The following NAALAD2 variants were observed in gnomAD, a reference collection of about 807,000 sequenced individuals.
The protein encoded by NAALAD2 is N-acetylated-alpha-linked acidic dipeptidase 2.
A neutral mutation model predicts 95.6 loss-of-function variants in NAALAD2; 89 were observed. The ratio of observed to expected loss-of-function variants is 0.93; its 90% CI spans 0.78 to 1.11. The LOEUF is 1.11. NAALAD2 is among the 50% of genes least tolerant of loss of function. The pLI, the probability that NAALAD2 is intolerant of heterozygous loss-of-function variation, is 0.00. For synonymous variants in NAALAD2, 264 were observed against 294.4 expected (o/e 0.90, Z 1.06); for missense variants, 894 against 872.4 (o/e 1.02, Z -0.31).
chr11:90,138,099 T>G (rs1214100971), intron 2 of NAALAD2, among the ~76,000 whole-genome samples: 1 of 152,176 alleles, frequency 6.6e-6, no homozygotes, highest in Non-Finnish European at 1.5e-5. Flanking sequence ...AGCAATAACA[T>G]AGACAATTAA....
chr11:90,192,357 GACAA>G lies in NAALAD2; in HGVS notation c.*615_*618del, dbSNP rs1287381705. 1 of 151,976 alleles carries G rather than the reference GACAA, an allele frequency of 6.6e-6. No homozygotes were observed. Among genetic ancestry groups the G allele is most frequent in the Non-Finnish European group, 1.5e-5 (1 of 67,892 alleles). 9.4% of individuals were successfully genotyped at this position (151,976 alleles called of 1,614,324 possible). A position where few individuals can be genotyped will look rare whatever the true frequency, so the allele number is the denominator to read the frequency against. ...AGACATTGTTGAAGGAAAAAAGCCAGACAAACAACTACATAAAATATGTTTCTAT... is the reference window on the plus strand; with the variant it reads ...AGACATTGTTGAAGGAAAAAAGCCAGACAACTACATAAAATATGTTTCTAT... On this transcript the variant is annotated 3_prime_UTR_variant, in exon 19 of 19. Coordinates refer to ENST00000534061, the MANE Select transcript of NAALAD2 (RefSeq NM_005467.4).
At chr11:90,147,243 TG>T in intron 2 of NAALAD2, 86 bp from the exon 3 acceptor site, 1 of 1,016,982 alleles carries the variant, frequency 9.8e-7, no homozygotes, top group South Asian at 1.6e-5. Context: ...TAATGCCCAA[TG>T]CATAAGTAGT....
intron 14 of NAALAD2, among the ~76,000 whole-genome samples, chr11:90,175,074 T>C (rs1952748871): frequency 6.6e-6 from 1 of 152,156 alleles, no homozygotes. Flanking sequence ...TAAATATTCA[T>C]AGTTGGAAAA....
At chr11:90,142,823 A>G (rs967800963) in intron 2 of NAALAD2, among the ~76,000 whole-genome samples, 2 of 152,080 alleles carry the variant, frequency 1.3e-5, no homozygotes, top group Admixed American at 1.3e-4. Flanking sequence ...GGGAAAATAT[A>G]TGAAATTTTA....
chr11:90,170,001 TAGAA>T, intron 12 of NAALAD2, 64 bp from the exon 13 acceptor site: 1 of 948,464 alleles, frequency 1.1e-6, no homozygotes, highest in South Asian at 1.4e-5. Flanking sequence ...AAAATAAAGT[TAGAA>T]TTAAACAAAT....
chr11:90,149,145 G>A (rs368467866), intron 4 of NAALAD2, 38 bp downstream of exon 4: 7 of 1,358,528 alleles, frequency 5.2e-6, no homozygotes, highest in Non-Finnish European at 6.2e-6. Context: ...GTCTTTAAAT[G>A]GTTCTTTTGC....
rs192041541 is a variant in NAALAD2 at position 90,186,028 on chromosome 11, T to A, written c.2033+3020T>A. On this transcript the variant is annotated intron_variant, in intron 18 of 18. Transcript: ENST00000534061. The stretch of plus-strand genomic sequence containing the variant: ...TGAAGAACTTGTAATCTTTTTTTTT[T>A]AAATTTATTTATTATACTTTTAAGT... 8.0e-3 allele frequency among the ~76,000 whole-genome samples: 1,210 copies of A among 152,192 alleles called. 16 individuals carry two copies. Among genetic ancestry groups the A allele is most frequent in the African/African-American group, 0.027 (1,131 of 41,530 alleles).
In NAALAD2 at chr11:90,134,774, G is replaced by A; in HGVS notation, c.16G>A (p.Gly6Ser). MAESR[G>S]RLYLWMCLAA... ...TCAAGAAGCCATGGCGGAATCCAGG[G>A]GCCGTCTGTACCTTTGGATGTGCTT... is the stretch of plus-strand genomic sequence containing the variant. Residue 6 changes from glycine (G) to serine (S), a missense_variant, in exon 1 of 19, where the codon GGC (glycine) becomes AGC (serine). Gly to Ser is a moderately conservative substitution (Grantham distance 56, BLOSUM62 0). Coordinates refer to ENST00000534061, the MANE Select transcript of NAALAD2 (RefSeq NM_005467.4). 6.2e-7 allele frequency: 1 copy of A among 1,614,046 alleles called. No homozygotes were observed. Among genetic ancestry groups the A allele is most frequent in the South Asian group, 1.1e-5 (1 of 91,080 alleles).
At chr11:90,134,239 C>G (rs1027034457), upstream of NAALAD2, among the ~76,000 whole-genome samples, 7 of 152,154 alleles carry the variant, frequency 4.6e-5, no homozygotes, top group Non-Finnish European at 1.0e-4. Context: ...GATTTTGATG[C>G]TGACAGTGAT....
In NAALAD2 at chr11:90,155,705, T is replaced by TAC. The variant is rs1210247103; in HGVS notation, c.797-2439_797-2438insCA. Among the ~76,000 whole-genome samples the TAC allele has an allele frequency of 2.7e-4, 11 of 41,382 alleles. 1 individual carries two copies. The highest frequency in any genetic ancestry group is 2.1e-3 in the African/African-American group (11 of 5,288). 27.1% of individuals were successfully genotyped at this position (41,382 alleles called of 152,430 possible). ...AATACATACATACATATGTATGTAT[T>TAC]ATTATTGTATGTATGTAATACATAC... On this transcript the variant is annotated intron_variant, in intron 6 of 18. Coordinates refer to ENST00000534061, the MANE Select transcript of NAALAD2 (RefSeq NM_005467.4).
At position 90,183,004 on chromosome 11, in the gene NAALAD2, T is replaced by A. The variant is rs1857012091; in HGVS notation, c.2029T>A (p.Tyr677Asn). Residue 677 changes from tyrosine to asparagine, a missense_variant, in exon 18 of 19, where the codon TAT becomes AAT. Transcript: ENST00000534061. ...TCTTGGTTTACCAGGAAAGCTGTTC[T>A]ATAGGTAAGGAAACAACAGGCGCCA... is the stretch of plus-strand genomic sequence containing the variant. ...DPLGLPGKLF[Y>N]RHIIFAPSSH... 1 of 1,611,580 alleles carries A rather than the reference T, an allele frequency of 6.2e-7. No homozygotes were observed. The highest frequency in any genetic ancestry group is 1.1e-5 in the South Asian group (1 of 90,970).
chr11:90,144,441 A>G (rs1951698212), intron 2 of NAALAD2, among the ~76,000 whole-genome samples: 2 of 152,032 alleles, frequency 1.3e-5, no homozygotes, highest in African/African-American at 4.8e-5. Flanking sequence ...AGAGGAAACC[A>G]GTTAAGACAA....
At chr11:90,148,717 C>A (rs1408281266) in intron 3 of NAALAD2, among the ~76,000 whole-genome samples, 1 of 118,266 alleles carries the variant, frequency 8.5e-6, no homozygotes, top group East Asian at 2.4e-4. Flanking sequence ...GCTGAAAAGG[C>A]ATAGTCAAAA....
At position 90,177,560 on chromosome 11, in the gene NAALAD2, A is replaced by G. The variant is rs144338157; in HGVS notation, c.1594-293A>G. Among the ~76,000 whole-genome samples the G allele has an allele frequency of 2.3e-3, 203 of 87,892 alleles. 1 individual carries two copies. Among genetic ancestry groups the G allele is most frequent in the African/African-American group, 8.2e-3 (187 of 22,786 alleles). 57.7% of individuals were successfully genotyped at this position (87,892 alleles called of 152,430 possible). On this transcript the variant is annotated intron_variant, in intron 15 of 18. Coordinates refer to ENST00000534061, the MANE Select transcript of NAALAD2 (RefSeq NM_005467.4). ...TCCTTGTGGTAAAACTCAGGGTGTT[A>G]TATGGTTGTATTTTTTCTTTTTCTT...
intron 13 of NAALAD2, among the ~76,000 whole-genome samples, chr11:90,170,979 TG>T (rs1952616603): frequency 6.6e-6 from 1 of 152,200 alleles, no homozygotes; most frequent in Admixed American, 6.5e-5. Flanking sequence ...CTAACAAGGT[TG>T]TTCATTGTTT....
chr11:90,175,955 T>C lies in NAALAD2; in HGVS notation c.1503-17T>C. 1 of 1,507,902 alleles carries C rather than the reference T, an allele frequency of 6.6e-7. No individual in the cohort carries two copies. Among genetic ancestry groups the C allele is most frequent in the Non-Finnish European group, 9.2e-7 (1 of 1,083,112 alleles). 93.4% of individuals were successfully genotyped at this position (1,507,902 alleles called of 1,614,324 possible). A position where few individuals can be genotyped will look rare whatever the true frequency, so the allele number is the denominator to read the frequency against. ...GTGTGTGTGTGTGTGTGTGTGTGGA[T>C]TGCATTCTACATCTAGAATCAATAA... On this transcript the variant is annotated splice_polypyrimidine_tract_variant and intron_variant, in intron 14 of 18. Coordinates refer to ENST00000534061, the MANE Select transcript of NAALAD2 (RefSeq NM_005467.4).
chr11:90,168,910 A>G lies in NAALAD2; in HGVS notation c.1279-19A>G. 1 of 1,585,702 alleles carries G rather than the reference A, an allele frequency of 6.3e-7. No homozygotes were observed. Among genetic ancestry groups the G allele is most frequent in the Non-Finnish European group, 8.6e-7 (1 of 1,164,056 alleles). On this transcript the variant is annotated intron_variant, in intron 11 of 18. Coordinates refer to ENST00000534061, the MANE Select transcript of NAALAD2 (RefSeq NM_005467.4). Reference sequence around the variant, plus strand: ...AACTAAGTAATGTGAATTAAGTAACAACTTTGCTTCAACTACAGGAGAATG... The same window carrying G: ...AACTAAGTAATGTGAATTAAGTAACGACTTTGCTTCAACTACAGGAGAATG...
chr11:90,182,577 T>C (rs527298500), intron 17 of NAALAD2, among the ~76,000 whole-genome samples: 103 of 152,270 alleles, frequency 6.8e-4, no homozygotes, highest in African/African-American at 2.2e-3. Context: ...GAATGACTTA[T>C]CAGGAATAAC....
intron 18 of NAALAD2, among the ~76,000 whole-genome samples, chr11:90,183,830 A>C (rs887216651): frequency 3.9e-5 from 6 of 152,186 alleles, no homozygotes; most frequent in Admixed American, 3.3e-4. Flanking sequence ...GGTATATTAA[A>C]TGCATTTTTG....
Sources: allele counts gnomAD v4.1 joint callset (sites outside exome capture counted in the v4.1 genomes callset), GRCh38; gene constraint gnomAD v4.1.1; transcripts MANE v1.5; gene names NCBI Gene and HGNC (gene_info 2026-07-23, HGNC 2026-07-21).